The following RPL17 variants were observed in gnomAD, a reference collection of about 807,000 sequenced individuals.
The protein encoded by RPL17 is ribosomal protein L17.
A neutral mutation model predicts 27.7 loss-of-function variants in RPL17; 2 were observed. The observed-to-expected ratio is 0.07, with a 90% CI of 0.03 to 0.23. The LOEUF (loss-of-function observed/expected upper bound fraction) is 0.23, where lower values mean the gene tolerates loss of function less well. RPL17 is among the 10% of genes least tolerant of loss of function. The pLI, the probability that RPL17 is intolerant of heterozygous loss-of-function variation, is 1.00. For synonymous variants in RPL17, 76 were observed against 75.5 expected (o/e 1.01, Z -0.03); for missense variants, 141 against 238.8 (o/e 0.59, Z 2.70).
intron 5 of RPL17, 89 bp downstream of exon 5, chr18:49,490,365 A>C: frequency 7.1e-7 from 1 of 1,398,854 alleles, no homozygotes; most frequent in East Asian, 2.3e-5. Flanking sequence ...TTAATTACTG[A>C]AAACAAGAAA....
chr18:49,490,238 C>A, intron 5 of RPL17: 6 of 532,416 alleles, frequency 1.1e-5, no homozygotes, highest in East Asian at 9.9e-5. Context: ...TTAAAGAGAC[C>A]ACAGAGCACG....
chr18:49,489,632 T>C, intron 5 of RPL17, 82 bp from the exon 6 acceptor site: 4 of 1,438,182 alleles, frequency 2.8e-6, no homozygotes, highest in African/African-American at 1.4e-5. Flanking sequence ...TAAATATGAA[T>C]TCCCAGGCTT....
At chr18:49,490,598 A>G (rs766258777) in intron 4 of RPL17, 46 bp from the exon 5 acceptor site, 16 of 1,611,716 alleles carry the variant, frequency 9.9e-6, no homozygotes, top group Non-Finnish European at 1.4e-5. Flanking sequence ...GATTTAAATT[A>G]ACATTACAGC....
intron 3 of RPL17, 115 bp from the exon 4 acceptor site, chr18:49,491,042 GGGCAA>G: frequency 6.6e-7 from 1 of 1,509,800 alleles, no homozygotes; most frequent in Non-Finnish European, 8.9e-7. Context: ...TATTCTTTGG[GGGCAA>G]GGCAATTAAA....
At chr18:49,491,033 A>G (rs1318478521) in intron 3 of RPL17, 106 bp from the exon 4 acceptor site, 5 of 1,549,750 alleles carry the variant, frequency 3.2e-6, no homozygotes, top group Non-Finnish European at 4.4e-6. Context: ...AGTTATTTCT[A>G]TTCTTTGGGG....
At chr18:49,489,828 G>A (rs2083924609) in intron 5 of RPL17, among the ~76,000 whole-genome samples, 1 of 152,134 alleles carries the variant, frequency 6.6e-6, no homozygotes, top group South Asian at 2.1e-4. Flanking sequence ...GAGAGCTGAG[G>A]GGTAAGGAAG....
At chr18:49,489,765 T>C (rs560005571) in intron 5 of RPL17, among the ~76,000 whole-genome samples, 1 of 152,198 alleles carries the variant, frequency 6.6e-6, no homozygotes. Flanking sequence ...CCAAACTCAG[T>C]GTGCTATACA....
chr18:49,488,675 A>G, intron 6 of RPL17, 109 bp from the exon 7 acceptor site: 1 of 678,304 alleles, frequency 1.5e-6, no homozygotes, highest in Non-Finnish European at 2.7e-6. Context: ...ACTAAGGGGG[A>G]AAAATACTTA....
At chr18:49,491,908 G>A in intron 1 of RPL17, 2 of 444,810 alleles carry the variant, frequency 4.5e-6, no homozygotes, top group South Asian at 3.8e-5. Flanking sequence ...CGCATCCGCA[G>A]GGCACAACTC....
At chr18:49,490,769 C>A (rs1310133043) in intron 4 of RPL17, 24 bp downstream of exon 4, 1 of 1,612,730 alleles carries the variant, frequency 6.2e-7, no homozygotes, top group South Asian at 1.1e-5. Flanking sequence ...TCTGTCTTTT[C>A]AAATGGCAAC....
At chr18:49,489,133 C>G (rs566192426) in intron 6 of RPL17, 23 of 444,890 alleles carry the variant, frequency 5.2e-5, no homozygotes, top group Admixed American at 3.1e-4. Context: ...GATCTCCTGA[C>G]CTTGTGATCC....
At chr18:49,491,377 T>G in intron 3 of RPL17, 28 bp downstream of exon 3, 2 of 1,614,194 alleles carry the variant, frequency 1.2e-6, no homozygotes, top group Non-Finnish European at 1.7e-6. Context: ...CATGAGGAAC[T>G]GTTGGATCAC....
intron 1 of RPL17, chr18:49,491,935 ACCT>A (rs1324899890): frequency 5.0e-6 from 2 of 397,006 alleles, no homozygotes; most frequent in Non-Finnish European, 9.6e-6. Flanking sequence ...AACCCTCTAC[ACCT>A]CCTCCCTCCC....
chr18:49,489,706 A>C (rs1456021601), intron 5 of RPL17, among the ~76,000 whole-genome samples, 156 bp from the exon 6 acceptor site: 1 of 152,180 alleles, frequency 6.6e-6, no homozygotes, highest in Non-Finnish European at 1.5e-5. Context: ...TGCAAATAGC[A>C]TTTTTTTAAC....
chr18:49,490,350 AAG>A, intron 5 of RPL17, 102 bp downstream of exon 5: 1 of 1,221,498 alleles, frequency 8.2e-7, no homozygotes. Context: ...AAAAAATCCT[AAG>A]AGTTAATTAC....
At chr18:49,491,742 C>T (rs2084104627) in intron 1 of RPL17, 158 bp from the exon 2 acceptor site, 2 of 968,440 alleles carry the variant, frequency 2.1e-6, no homozygotes, top group Non-Finnish European at 1.7e-6. Flanking sequence ...ATACTTTCCC[C>T]CACCAAGGGC....
chr18:49,490,388 A>T, intron 5 of RPL17, 66 bp downstream of exon 5: 1 of 1,543,108 alleles, frequency 6.5e-7, no homozygotes, highest in Non-Finnish European at 8.9e-7. Flanking sequence ...CAAGGACATA[A>T]ATCTGAACAG....
rs763426731 is a variant in RPL17 at position 49,491,670 on chromosome 18, CAG to C, written c.-13-88_-13-87del. On this transcript the variant is annotated intron_variant, in intron 1 of 6. Coordinates refer to ENST00000580261, the MANE Select transcript of RPL17 (RefSeq NM_001035006.5). ...ATATCAGATGATTCGAACAGCTGCT[CAG>C]AGAGTAGTTGTTTTCATTATTAATC... is the stretch of plus-strand genomic sequence containing the variant. 31 of 1,490,600 alleles carry C rather than the reference CAG, an allele frequency of 2.1e-5. No homozygotes were observed. In the Admixed American group the frequency reaches 2.7e-4, roughly 13 times the overall value. The allele number at this position is 1,490,600 out of a possible 1,614,324, so 92.3% of individuals were successfully genotyped here.
chr18:49,488,529 G>A lies in RPL17; in HGVS notation c.545C>T (p.Ala182Val), dbSNP rs747818106. 4 of 1,544,874 alleles carry A rather than the reference G, an allele frequency of 2.6e-6. No homozygotes were observed. Among genetic ancestry groups the A allele is most frequent in the Admixed American group, 3.3e-5 (2 of 59,862 alleles). Residue 182 changes from alanine to valine, a missense_variant, in exon 7 of 7, where the codon GCA (alanine) becomes GTA (valine). By Grantham distance (64) the Ala-to-Val change is moderately conservative. Transcript: ENST00000580261. ...QKKLKKQKLM[A>V]RE ...ATTTTAATGCTGAATTTACTCCCGT[G>A]CCATAAGTTTTTGTTTCTTCAGTTT...
Sources: gnomAD v4.1 joint callset for allele counts (sites outside exome capture counted in the v4.1 genomes callset) on GRCh38, gnomAD v4.1.1 for gene constraint, MANE v1.5 for transcripts, NCBI Gene and HGNC (gene_info 2026-07-23, HGNC 2026-07-21) for gene names.